SLC5A1: variants seen among roughly 807,000 people sequenced by gnomAD.
The protein encoded by SLC5A1 is sodium/glucose cotransporter 1.
SLC5A1 carries 42 observed loss-of-function variants against 73.5 expected under a neutral mutation model. The observed-to-expected ratio is 0.57, with a 90% confidence interval of 0.45 to 0.74. The LOEUF is 0.74. Among genes scored for constraint, SLC5A1 ranks in the 30% least tolerant of loss-of-function variants. The probability of loss-of-function intolerance (pLI) is 0.00; values close to 1 mark genes in which losing one functional copy is unlikely to be tolerated. For missense variants in SLC5A1, 634 were observed against 855.4 expected (o/e 0.74, Z 3.23); for synonymous variants, 300 against 317.4 (o/e 0.95, Z 0.58).
At chr22:32,050,726 G>A (rs938289928) in intron 2 of SLC5A1, among the ~76,000 whole-genome samples, 1 of 152,208 alleles carries the variant, frequency 6.6e-6, no homozygotes, top group Non-Finnish European at 1.5e-5. Context: ...GAGGATAGAA[G>A]CAAGGGACAA....
At chr22:32,068,764 A>G (rs12166995) in intron 5 of SLC5A1, among the ~76,000 whole-genome samples, 164 bp downstream of exon 5, 283 of 152,116 alleles carry the variant, frequency 1.9e-3, no homozygotes, top group Middle Eastern at 6.8e-3. Context: ...CGAGGAGCCA[A>G]TGGAATTCAA....
rs534287714 is a variant in SLC5A1, at chr22:32,083,615, C to G, written c.664+461C>G. Among the ~76,000 whole-genome samples the G allele has an allele frequency of 2.9e-3, 433 of 151,522 alleles. 1 individual carries two copies. The highest frequency in any genetic ancestry group is 5.2e-3 in the Non-Finnish European group (356 of 67,956). ...GGGTGATAATGTTCCTTTTAATGCC[C>G]CTATTTGGCAAAATTAAAAACTTGG... On this transcript the variant is annotated intron_variant, in intron 7 of 14. Coordinates refer to ENST00000266088, the MANE Select transcript of SLC5A1 (RefSeq NM_000343.4).
rs924815906 is a variant in SLC5A1 at position 32,085,124 on chromosome 22, C to T, written c.1021+89C>T. On this transcript the variant is annotated intron_variant, in intron 9 of 14. Transcript: ENST00000266088. ...GCTCTATAGCTTCCCGCTTCCTCCT[C>T]TTTTTTTTTGAGACCAGGTCTCACT... The T allele has an allele frequency of 1.8e-5, 27 of 1,495,138 alleles. No individual in the cohort carries two copies. The East Asian group carries it at 2.5e-4, about 14-fold the overall frequency. 92.6% of individuals were successfully genotyped at this position (1,495,138 alleles called of 1,614,324 possible). A position where few individuals can be genotyped will look rare whatever the true frequency, so the allele number is the denominator to read the frequency against.
intron 2 of SLC5A1, among the ~76,000 whole-genome samples, chr22:32,063,927 G>T (rs999013102): frequency 1.1e-4 from 17 of 151,786 alleles, no homozygotes; most frequent in Non-Finnish European, 1.5e-5. Flanking sequence ...TCTGATACCC[G>T]AACTCTCCTG....
chr22:32,103,844 A>T (rs2149497981), intron 13 of SLC5A1, among the ~76,000 whole-genome samples: 1 of 152,340 alleles, frequency 6.6e-6, no homozygotes, highest in African/African-American at 2.4e-5. Flanking sequence ...CTTTAACTCT[A>T]GATGCCCCCA....
intron 5 of SLC5A1, among the ~76,000 whole-genome samples, chr22:32,077,182 T>C (rs1444752415): frequency 6.6e-6 from 1 of 152,142 alleles, no homozygotes; most frequent in Non-Finnish European, 1.5e-5. Flanking sequence ...ATTTTCTTCT[T>C]TCCCTTCTGC....
At chr22:32,061,741 C>T (rs2093963440) in intron 2 of SLC5A1, among the ~76,000 whole-genome samples, 1 of 152,126 alleles carries the variant, frequency 6.6e-6, no homozygotes, top group Admixed American at 6.5e-5. Context: ...GGCTGAGTGA[C>T]AGGTTTCAAA....
chr22:32,085,177 G>C (rs1290026147), intron 9 of SLC5A1, 142 bp downstream of exon 9: 15 of 1,005,228 alleles, frequency 1.5e-5, no homozygotes, highest in Non-Finnish European at 2.3e-5. Flanking sequence ...GTGCAGTGGT[G>C]TGATCATTGC....
At chr22:32,061,106 G>A (rs147968371) in intron 2 of SLC5A1, among the ~76,000 whole-genome samples, 1 of 152,106 alleles carries the variant, frequency 6.6e-6, no homozygotes, top group Admixed American at 6.5e-5. Flanking sequence ...TGCAATTCCT[G>A]CCAGCTTCTG....
At chr22:32,065,510 A>G (rs9609421) in intron 2 of SLC5A1, among the ~76,000 whole-genome samples, 5,095 of 152,088 alleles carry the variant, frequency 0.034, 116 homozygotes, top group South Asian at 0.08. Flanking sequence ...CATACCCTCT[A>G]TTCTCTTCAT....
chr22:32,098,447 A>G (rs2094029921), intron 11 of SLC5A1, among the ~76,000 whole-genome samples: 1 of 152,204 alleles, frequency 6.6e-6, no homozygotes, highest in Non-Finnish European at 1.5e-5. Context: ...TTTACAGATG[A>G]AGAACTTGAG....
intron 2 of SLC5A1, chr22:32,059,460 A>G (rs1269490202): frequency 1.7e-6 from 1 of 594,302 alleles, no homozygotes; most frequent in Non-Finnish European, 2.1e-6. Context: ...TGAAGAGGGC[A>G]TTCCAGGAAA....
intron 7 of SLC5A1, among the ~76,000 whole-genome samples, chr22:32,083,666 ATT>A (rs757611170): frequency 7.0e-6 from 1 of 143,810 alleles, no homozygotes. Context: ...CCTCCAATTA[ATT>A]TTTTTTTTTT....
rs188480904 is a variant in SLC5A1 at position 32,096,713 on chromosome 22, G to T, written c.1281-2470G>T. Reference sequence around the variant, plus strand: ...CATGGAGCAGATGCTCTGGACAGAGGATCAACAGGAGCCTTGCTTGTTTTT... The same window carrying T: ...CATGGAGCAGATGCTCTGGACAGAGTATCAACAGGAGCCTTGCTTGTTTTT... On this transcript the variant is annotated intron_variant, in intron 11 of 14. Coordinates refer to ENST00000266088, the MANE Select transcript of SLC5A1 (RefSeq NM_000343.4). 2.6e-5 allele frequency among the ~76,000 whole-genome samples: 4 copies of T among 152,298 alleles called. No homozygotes were observed. In the East Asian group the frequency reaches 7.7e-4, roughly 29 times the overall value.
At position 32,043,314 on chromosome 22, in the gene SLC5A1, C is replaced by G; in HGVS notation, c.33C>G (p.Thr11=). The change falls in exon 1 of 15, where the codon ACC becomes ACG. Residue 11 remains threonine, a synonymous_variant. Transcript: ENST00000266088. This position sits in a 1 kb window ranked among gnomAD's most constrained non-coding sequence, Gnocchi z 6.5. MDSSTWSPKT[T]AVTRPVETHE... ...GTAGCACCTGGAGCCCCAAGACCAC[C>G]GCGGTCACCCGGCCTGTTGAGACCC... 6.2e-7 allele frequency: 1 copy of G among 1,614,180 alleles called. No homozygotes were observed. Among genetic ancestry groups the G allele is most frequent in the East Asian group, 2.2e-5 (1 of 44,888 alleles).
chr22:32,100,426 C>T (rs1430834253), intron 12 of SLC5A1, among the ~76,000 whole-genome samples: 1 of 152,118 alleles, frequency 6.6e-6, no homozygotes, highest in Non-Finnish European at 1.5e-5. Flanking sequence ...ACCGGAAAGG[C>T]TTTCAATTTT....
At chr22:32,097,565 G>A (rs2094028284) in intron 11 of SLC5A1, among the ~76,000 whole-genome samples, 1 of 152,194 alleles carries the variant, frequency 6.6e-6, no homozygotes, top group South Asian at 2.1e-4. Flanking sequence ...ATACCTGGTA[G>A]TGTTTCTTCC....
intron 1 of SLC5A1, among the ~76,000 whole-genome samples, chr22:32,049,107 T>A (rs2093941116): frequency 1.4e-5 from 2 of 145,366 alleles, no homozygotes; most frequent in Non-Finnish European, 3.0e-5. Context: ...TATATATATA[T>A]ATATAATCAT....
At chr22:32,099,102 AAAAATATAT>A (rs66733486) in intron 11 of SLC5A1, 72 bp from the exon 12 acceptor site, 7,279 of 127,524 alleles carry the variant, frequency 0.057, 98 homozygotes, top group Non-Finnish European at 0.063. Context: ...AAAAAAAAAA[AAAAATATAT>A]ATATATATAT....
Sources: gnomAD v4.1 joint callset for allele counts (sites outside exome capture counted in the v4.1 genomes callset) on GRCh38, gnomAD v4.1.1 for gene constraint, Gnocchi (gnomAD v3.1) non-coding constraint, MANE v1.5 for transcripts, NCBI Gene and HGNC (gene_info 2026-07-23, HGNC 2026-07-21) for gene names.